Variants in SH3BGR observed in about 807,000 individuals in gnomAD.
SH3BGR encodes the protein SH3 domain binding glutamate rich protein, also known as SH3 domain-binding glutamic acid-rich protein.
In SH3BGR, 29 loss-of-function variants were observed where a neutral mutation model predicts 24.5. The ratio of observed to expected loss-of-function variants is 1.18; its 90% CI spans 0.88 to 1.61. SH3BGR has a LOEUF of 1.61. Among genes scored for constraint, SH3BGR ranks in the 40% most tolerant of loss-of-function variants. The pLI is 0.00. For synonymous variants in SH3BGR, 55 were observed against 65.7 expected (o/e 0.84, Z 0.79); for missense variants, 162 against 205.8 (o/e 0.79, Z 1.30).
intron 1 of SH3BGR, among the ~76,000 whole-genome samples, chr21:39,459,794 C>G (rs928529799): frequency 6.6e-6 from 1 of 152,026 alleles, no homozygotes; most frequent in African/African-American, 2.4e-5. Flanking sequence ...TCTTGACCTC[C>G]TGGGCTCAAG....
In SH3BGR at chr21:39,472,704, C is replaced by A. The variant is rs57892449; in HGVS notation, c.232-2431C>A. On this transcript the variant is annotated intron_variant, in intron 2 of 6. Coordinates refer to ENST00000333634, the MANE Select transcript of SH3BGR (RefSeq NM_007341.3). The stretch of plus-strand genomic sequence containing the variant: ...CCTTCACCCAGAAGCAAAGTTGAAT[C>A]AGGGAAGTTTCCTTCCATTCTGTTC... Among the ~76,000 whole-genome samples the A allele has an allele frequency of 3.5e-3, 533 of 152,314 alleles. 2 individuals carry two copies. Among genetic ancestry groups the A allele is most frequent in the African/African-American group, 0.012 (504 of 41,574 alleles).
chr21:39,494,104 G>T (rs1314414920), intron 3 of SH3BGR, among the ~76,000 whole-genome samples: 1 of 152,054 alleles, frequency 6.6e-6, no homozygotes, highest in Non-Finnish European at 1.5e-5. Flanking sequence ...CATGTAATAT[G>T]TAGAAACATT....
chr21:39,462,907 G>A lies in SH3BGR; in HGVS notation c.231+347G>A, dbSNP rs140060333. The stretch of plus-strand genomic sequence containing the variant: ...ACACGTGTATCTGCAGAGGAACATG[G>A]TAAGTTTTCTCTGTCACCCAGGCTG... On this transcript the variant is annotated intron_variant, in intron 2 of 6. Coordinates refer to ENST00000333634, the MANE Select transcript of SH3BGR (RefSeq NM_007341.3). Among the ~76,000 whole-genome samples, 370 of 152,320 alleles carry A rather than the reference G, an allele frequency of 2.4e-3. 2 individuals carry two copies. The highest frequency in any genetic ancestry group is 8.6e-3 in the African/African-American group (358 of 41,572).
chr21:39,457,411 T>C (rs1047680441), intron 1 of SH3BGR, among the ~76,000 whole-genome samples: 7 of 143,642 alleles, frequency 4.9e-5, no homozygotes, highest in South Asian at 2.1e-4. Context: ...AAATCTTATA[T>C]ATAAGATTAT....
At chr21:39,512,736 G>A (rs1346903827) in intron 6 of SH3BGR, among the ~76,000 whole-genome samples, 1 of 152,090 alleles carries the variant, frequency 6.6e-6, no homozygotes, top group Non-Finnish European at 1.5e-5. Context: ...AGGTTGCAGT[G>A]AGCCAAGATT....
chr21:39,501,545 A>C (rs1042699408), intron 4 of SH3BGR, among the ~76,000 whole-genome samples: 1 of 152,214 alleles, frequency 6.6e-6, no homozygotes, highest in African/African-American at 2.4e-5. Context: ...TTTTATATGA[A>C]TATATTACTA....
At chr21:39,455,731 G>C (rs1286197163) in intron 1 of SH3BGR, among the ~76,000 whole-genome samples, 1 of 152,210 alleles carries the variant, frequency 6.6e-6, no homozygotes, top group African/African-American at 2.4e-5. Flanking sequence ...CCCTCCTCTG[G>C]CCTGGATCCT....
intron 3 of SH3BGR, chr21:39,488,563 A>G (rs192461669): frequency 2.6e-5 from 8 of 312,712 alleles, no homozygotes; most frequent in Non-Finnish European, 4.0e-5. Context: ...GTGGCCAGGA[A>G]CAAGGACTAG....
intron 3 of SH3BGR, among the ~76,000 whole-genome samples, chr21:39,497,346 C>T (rs564271296): frequency 5.3e-5 from 8 of 151,404 alleles, no homozygotes; most frequent in African/African-American, 1.5e-4. Context: ...ATGTAGACGT[C>T]GACTTTACAT....
At chr21:39,457,157 A>G (rs1293650502) in intron 1 of SH3BGR, among the ~76,000 whole-genome samples, 1 of 146,478 alleles carries the variant, frequency 6.8e-6, no homozygotes, top group Non-Finnish European at 1.5e-5. Context: ...TTATATATAA[A>G]TCATATAAAT....
intron 4 of SH3BGR, among the ~76,000 whole-genome samples, chr21:39,503,410 C>CT (rs936437760): frequency 8.6e-5 from 13 of 151,486 alleles, no homozygotes; most frequent in East Asian, 1.9e-4. Flanking sequence ...AAGTTTTTAC[C>CT]TTTTTTTTAA....
At chr21:39,475,323 T>G (rs760284) in intron 3 of SH3BGR, 108 bp downstream of exon 3, 617,945 of 692,318 alleles carry the variant, frequency 0.89, 276,010 homozygotes, top group Middle Eastern at 0.91. Flanking sequence ...AAATTAACAT[T>G]ACTTTAGTAC....
chr21:39,447,249 T>C (rs1290391477), upstream of SH3BGR, among the ~76,000 whole-genome samples: 2 of 151,536 alleles, frequency 1.3e-5, no homozygotes, highest in Non-Finnish European at 2.9e-5. Flanking sequence ...GAGAGCGGAG[T>C]TTTGCCATTG....
chr21:39,485,712 G>T (rs2078200269), intron 3 of SH3BGR, among the ~76,000 whole-genome samples: 1 of 145,772 alleles, frequency 6.9e-6, no homozygotes, highest in South Asian at 2.2e-4. Context: ...TTTTGAGACG[G>T]AGTCTCGCTC....
chr21:39,500,914 A>ATATT (rs2078484012), intron 4 of SH3BGR, among the ~76,000 whole-genome samples: 1 of 152,168 alleles, frequency 6.6e-6, no homozygotes, highest in Non-Finnish European at 1.5e-5. Context: ...AAATTCCCTG[A>ATATT]TATTTAGACT....
At chr21:39,479,808 TG>T (rs1413629982) in intron 3 of SH3BGR, among the ~76,000 whole-genome samples, 4 of 152,238 alleles carry the variant, frequency 2.6e-5, no homozygotes, top group African/African-American at 9.6e-5. Context: ...AGATTTTTTC[TG>T]GTTAAGTCAA....
intron 1 of SH3BGR, among the ~76,000 whole-genome samples, chr21:39,454,925 G>T (rs943355750): frequency 6.6e-6 from 1 of 152,182 alleles, no homozygotes; most frequent in Admixed American, 6.5e-5. Flanking sequence ...ATCTTCTTCA[G>T]TTCCCACCAA....
chr21:39,473,768 C>A (rs1367248363), intron 2 of SH3BGR, among the ~76,000 whole-genome samples: 1 of 151,778 alleles, frequency 6.6e-6, no homozygotes, highest in Non-Finnish European at 1.5e-5. Context: ...ACCTGTAATC[C>A]CAGCTACTCA....
At chr21:39,481,904 G>A (rs957012134) in intron 3 of SH3BGR, among the ~76,000 whole-genome samples, 1 of 152,120 alleles carries the variant, frequency 6.6e-6, no homozygotes, top group African/African-American at 2.4e-5. Flanking sequence ...TGTTTCTTGG[G>A]GGAATCAGTT....
Sources: allele counts gnomAD v4.1 joint callset (sites outside exome capture counted in the v4.1 genomes callset), GRCh38; gene constraint gnomAD v4.1.1; transcripts MANE v1.5; gene names NCBI Gene and HGNC (gene_info 2026-07-23, HGNC 2026-07-21).